The following SERPINA1 variants were observed in gnomAD, a reference collection of about 807,000 sequenced individuals.
The protein encoded by SERPINA1 is alpha-1-antitrypsin.
A neutral mutation model predicts 25.4 loss-of-function variants in SERPINA1; 21 were observed. The observed-to-expected ratio is 0.83, with a 90% confidence interval of 0.59 to 1.19. The LOEUF (loss-of-function observed/expected upper bound fraction) is 1.19. SERPINA1 is among the 50% of genes most tolerant of loss of function. The pLI is 0.00. For synonymous variants in SERPINA1, 218 were observed against 211.1 expected (o/e 1.03, Z -0.29); for missense variants, 546 against 509.0 (o/e 1.07, Z -0.70).
intron 1 of SERPINA1, among the ~76,000 whole-genome samples, chr14:94,386,212 G>T (rs747590174): frequency 1.3e-5 from 2 of 152,194 alleles, no homozygotes; most frequent in African/African-American, 4.8e-5. Context: ...CATGGTGTAC[G>T]GACACTGAGG....
At chr14:94,385,273 T>C (rs952466269) in intron 1 of SERPINA1, among the ~76,000 whole-genome samples, 9 of 152,254 alleles carry the variant, frequency 5.9e-5, no homozygotes, top group Admixed American at 5.2e-4. Flanking sequence ...CTCTCCCCAG[T>C]TGTGCAAAGT....
chr14:94,385,216 A>G (rs1019769386), intron 1 of SERPINA1, among the ~76,000 whole-genome samples: 3 of 152,224 alleles, frequency 2.0e-5, no homozygotes, highest in African/African-American at 7.2e-5. Flanking sequence ...CAGGGCCATC[A>G]CTATCCACTT....
chr14:94,379,536 G>T lies in SERPINA1; in HGVS notation c.993C>A (p.Gly331=). The T allele has an allele frequency of 6.2e-7, 1 of 1,614,068 alleles. No individual in the cohort carries two copies. Among genetic ancestry groups the T allele is most frequent in the East Asian group, 2.2e-5 (1 of 44,870 alleles). ...YDLKSVLGQL[G]ITKVFSNGAD... is the part of the protein sequence containing the mutation. Reference sequence around the variant, plus strand: ...CCCCATTGCTGAAGACCTTAGTGATGCCCAGTTGACCCAGGACGCTCTTCA... The same window carrying T: ...CCCCATTGCTGAAGACCTTAGTGATTCCCAGTTGACCCAGGACGCTCTTCA... Residue 331 remains glycine, a synonymous_variant, in exon 4 of 5, where the codon GGC becomes GGA. Coordinates refer to ENST00000393087, the MANE Select transcript of SERPINA1 (RefSeq NM_000295.5).
chr14:94,377,683 G>A lies in SERPINA1; in HGVS notation c.*766C>T, dbSNP rs1896458691. On this transcript the variant is annotated 3_prime_UTR_variant, in exon 5 of 5. Coordinates refer to ENST00000393087, the MANE Select transcript of SERPINA1 (RefSeq NM_000295.5). ...GAGGAGATAGAGAAAACAAAGCAGA[G>A]ACCCTCCTCTTCATCTGGGGAGAAG... 6.6e-6 allele frequency: 1 copy of A among 152,524 alleles called. No homozygotes were observed. Among genetic ancestry groups the A allele is most frequent in the East Asian group, 1.9e-4 (1 of 5,196 alleles). The allele number at this position is 152,524 out of a possible 1,614,324, so 9.4% of individuals were successfully genotyped here. A position where few individuals can be genotyped will look rare whatever the true frequency, so the allele number is the denominator to read the frequency against.
intron 1 of SERPINA1, chr14:94,383,731 C>T (rs1408420828): frequency 5.9e-6 from 1 of 168,614 alleles, no homozygotes; most frequent in Non-Finnish European, 1.3e-5. Flanking sequence ...CACGATTATC[C>T]AGGAATCGGG....
At chr14:94,387,453 C>A (rs905677231) in intron 1 of SERPINA1, among the ~76,000 whole-genome samples, 4 of 152,204 alleles carry the variant, frequency 2.6e-5, no homozygotes, top group Non-Finnish European at 5.9e-5. Flanking sequence ...TCTTTTTGAC[C>A]TGTCTCCAAA....
rs1213911916 is a variant in SERPINA1 at position 94,378,269 on chromosome 14, G to A, written c.*180C>T. 1.6e-6 allele frequency: 1 copy of A among 631,580 alleles called. No individual in the cohort carries two copies. Among genetic ancestry groups the A allele is most frequent in the Non-Finnish European group, 2.8e-6 (1 of 354,898 alleles). 39.1% of individuals were successfully genotyped at this position (631,580 alleles called of 1,614,324 possible). Reference sequence around the variant, plus strand: ...ATGCTCCATGAACACAGTTCAGGGGGCCCGAAGACAGCACTGTTACCTGGA... The same window carrying A: ...ATGCTCCATGAACACAGTTCAGGGGACCCGAAGACAGCACTGTTACCTGGA... On this transcript the variant is annotated 3_prime_UTR_variant, in exon 5 of 5. Transcript: ENST00000393087.
In SERPINA1 at chr14:94,377,908, C is replaced by T. The variant is rs1004368880; in HGVS notation, c.*541G>A. On this transcript the variant is annotated 3_prime_UTR_variant, in exon 5 of 5. Transcript: ENST00000393087. Reference sequence around the variant, plus strand: ...GGTCAAGAGGAGGACATTGTCCTCTCTCTTGTGTTGCTGCAGATGCCACAA... The same window carrying T: ...GGTCAAGAGGAGGACATTGTCCTCTTTCTTGTGTTGCTGCAGATGCCACAA... 4.7e-5 allele frequency: 8 copies of T among 171,438 alleles called. No homozygotes were observed. Among genetic ancestry groups the T allele is most frequent in the African/African-American group, 1.9e-4 (8 of 42,016 alleles). The allele number at this position is 171,438 out of a possible 1,614,324, so 10.6% of individuals were successfully genotyped here.
intron 1 of SERPINA1, chr14:94,383,522 G>C (rs570051662): frequency 9.6e-6 from 5 of 521,192 alleles, no homozygotes; most frequent in African/African-American, 1.9e-5. Flanking sequence ...TTTTACAGAT[G>C]AAGAAACCAA....
rs199687431 is a variant in SERPINA1 at position 94,383,032 on chromosome 14, G to A, written c.206C>T (p.Ser69Phe). The A allele has an allele frequency of 3.0e-4, 477 of 1,612,596 alleles. 1 individual carries two copies. The highest frequency in any genetic ancestry group is 4.0e-4 in the Non-Finnish European group (467 of 1,178,718). The change falls in exon 2 of 5, where the codon TCC becomes TTC. Residue 69 changes from serine to phenylalanine, a missense_variant. Ser to Phe is a radical substitution (Grantham distance 155, BLOSUM62 -2). Transcript: ENST00000393087. Reference sequence around the variant, plus strand: ...GGAGAAGAAGATATTGGTGCTGTTGGACTGGTGTGCCAGCTGGCGGTATAG... The same window carrying A: ...GGAGAAGAAGATATTGGTGCTGTTGAACTGGTGTGCCAGCTGGCGGTATAG... ...FSLYRQLAHQ[S>F]NSTNIFFSPV...
At chr14:94,379,707 C>G in intron 3 of SERPINA1, 96 bp from the exon 4 acceptor site, 1 of 1,540,768 alleles carries the variant, frequency 6.5e-7, no homozygotes, top group Admixed American at 1.7e-5. Flanking sequence ...CTGATTATTT[C>G]TGCCACTTAC....
In SERPINA1 at chr14:94,380,925, T is replaced by A. The variant is rs17580; in HGVS notation, c.863A>T (p.Glu288Val). 0.036 allele frequency: 58,691 copies of A among 1,614,182 alleles called. 1,342 individuals carry two copies. The highest frequency in any genetic ancestry group is 0.045 in the Non-Finnish European group (52,701 of 1,179,994). Residue 288 changes from glutamate (E) to valine (V), a missense_variant, in exon 3 of 5, where the codon GAA (glutamate) becomes GTA (valine). Transcript: ENST00000393087. ...GATGATATCGTGGGTGAGTTCATTT[T>A]CCAGGTGCTGTAGTTTCCCCTCATC... The part of the protein sequence containing the change: ...LPDEGKLQHL[E>V]NELTHDIITK...
In SERPINA1 at chr14:94,383,124, G is replaced by C; in HGVS notation, c.114C>G (p.Ser38=). Residue 38 remains serine (S), a synonymous_variant, in exon 2 of 5, where the codon TCC becomes TCG. Transcript: ENST00000393087. The part of the protein sequence containing the change: ...QGDAAQKTDT[S]HHDQDHPTFN... ...AGGTTGGGTGATCCTGATCATGGTG[G>C]GATGTATCTGTCTTCTGGGCAGCAT... 1 of 1,614,244 alleles carries C rather than the reference G, an allele frequency of 6.2e-7. No homozygotes were observed. The highest frequency in any genetic ancestry group is 8.5e-7 in the Non-Finnish European group (1 of 1,180,040).
At chr14:94,387,007 A>G (rs1190406618) in intron 1 of SERPINA1, among the ~76,000 whole-genome samples, 1 of 152,246 alleles carries the variant, frequency 6.6e-6, no homozygotes, top group Non-Finnish European at 1.5e-5. Context: ...CTACTTGCTT[A>G]CAAAACTGAG....
In SERPINA1 at chr14:94,386,419, G is replaced by A. The variant is rs1331403585; in HGVS notation, c.-5+2141C>T. Among the ~76,000 whole-genome samples, 4 of 152,162 alleles carry A rather than the reference G, an allele frequency of 2.6e-5. No individual in the cohort carries two copies. The East Asian group carries it at 7.7e-4, about 29-fold the overall frequency. On this transcript the variant is annotated intron_variant, in intron 1 of 4. Coordinates refer to ENST00000393087, the MANE Select transcript of SERPINA1 (RefSeq NM_000295.5). ...TGCAGGGAAGAGAATCTCGCCTATG[G>A]TCAAACAACCTGTTGAACTGGGCAA...
chr14:94,383,721 C>A (rs926301620), intron 1 of SERPINA1: 16 of 169,910 alleles, frequency 9.4e-5, no homozygotes, highest in African/African-American at 3.6e-4. Context: ...TGGGCCTGCC[C>A]ACGATTATCC....
Position 94,378,322 on chromosome 14 carries a change from G to T in SERPINA1, c.*127C>A. On this transcript the variant is annotated 3_prime_UTR_variant, in exon 5 of 5. Transcript: ENST00000393087. ...CCACATACAGCCTCAGCAGGCAAAG[G>T]GAGACTCAGAGAAAACATGGGAGGG... is the stretch of plus-strand genomic sequence containing the variant. The T allele has an allele frequency of 1.2e-6, 1 of 829,996 alleles. No individual in the cohort carries two copies. Among genetic ancestry groups the T allele is most frequent in the Non-Finnish European group, 2.0e-6 (1 of 498,292 alleles). 51.4% of individuals were successfully genotyped at this position (829,996 alleles called of 1,614,324 possible).
Position 94,383,257 on chromosome 14 carries a change from G to C in SERPINA1, c.-4-16C>G. Reference sequence around the variant, plus strand: ...CGGCATTGTCCTGCAAGACAGAGATGGGGGGGCCAGGCCCCGAGTCAAGGC... The same window carrying C: ...CGGCATTGTCCTGCAAGACAGAGATCGGGGGGCCAGGCCCCGAGTCAAGGC... On this transcript the variant is annotated splice_polypyrimidine_tract_variant and intron_variant, in intron 1 of 4. Transcript: ENST00000393087. The C allele has an allele frequency of 6.2e-7, 1 of 1,604,364 alleles. No individual in the cohort carries two copies. The highest frequency in any genetic ancestry group is 8.5e-7 in the Non-Finnish European group (1 of 1,177,228).
intron 1 of SERPINA1, among the ~76,000 whole-genome samples, chr14:94,386,642 A>C (rs1897307510): frequency 6.6e-6 from 1 of 152,142 alleles, no homozygotes; most frequent in Non-Finnish European, 1.5e-5. Context: ...ACACAGGTTG[A>C]GCTCCTGCCC....
Sources: gnomAD v4.1 joint callset for allele counts (sites outside exome capture counted in the v4.1 genomes callset) on GRCh38, gnomAD v4.1.1 for gene constraint, MANE v1.5 for transcripts, NCBI Gene and HGNC (gene_info 2026-07-23, HGNC 2026-07-21) for gene names.